The following MLIP variants were observed in gnomAD, a reference collection of about 807,000 sequenced individuals.
MLIP encodes muscular LMNA-interacting protein.
A neutral mutation model predicts 84.8 loss-of-function variants in MLIP; 79 were observed. That is an observed-to-expected ratio of 0.93 (90% CI 0.78 to 1.12). The LOEUF (loss-of-function observed/expected upper bound fraction) is 1.12. Among genes scored for constraint, MLIP ranks in the 50% most tolerant of loss-of-function variants. The pLI is 0.00. For synonymous variants in MLIP, 504 were observed against 463.0 expected (o/e 1.09, Z -1.14); for missense variants, 1,257 against 1,160.6 (o/e 1.08, Z -1.21).
At chr6:54,231,265 A>G (rs961129012) in intron 12 of MLIP, among the ~76,000 whole-genome samples, 9 of 152,186 alleles carry the variant, frequency 5.9e-5, no homozygotes, top group African/African-American at 2.2e-4. Context: ...CAGTGTTCCT[A>G]AAAAGCTTCT....
intron 12 of MLIP, 50 bp from the exon 13 acceptor site, chr6:54,257,258 T>C: frequency 7.5e-7 from 1 of 1,327,702 alleles, no homozygotes; most frequent in Non-Finnish European, 1.1e-6. Context: ...AACATTTATT[T>C]TTTTCTCACT....
chr6:54,064,000 G>C (rs1766130644), intron 1 of MLIP, among the ~76,000 whole-genome samples: 3 of 101,350 alleles, frequency 3.0e-5, no homozygotes, highest in East Asian at 2.6e-4. Context: ...TTCTTGTTTG[G>C]ATTTTTGTTG....
chr6:54,216,606 T>C, intron 11 of MLIP: 1 of 972,124 alleles, frequency 1.0e-6, no homozygotes, highest in Non-Finnish European at 1.2e-6. Context: ...TTATTAAAAA[T>C]CTTTTTTTAT....
intron 9 of MLIP, among the ~76,000 whole-genome samples, chr6:54,187,688 G>C (rs558465757): frequency 1.3e-5 from 2 of 151,968 alleles, no homozygotes; most frequent in East Asian, 3.9e-4. Context: ...AAATGGGAGA[G>C]GATTTCAGAA....
intron 1 of MLIP, chr6:54,063,401 T>G (rs774040028): frequency 5.3e-5 from 8 of 152,000 alleles, no homozygotes; most frequent in Non-Finnish European, 1.0e-4. Flanking sequence ...AATTAATTGC[T>G]GAAAAAATTC....
chr6:54,178,200 TTAAAA>T (rs1403226530), intron 9 of MLIP, among the ~76,000 whole-genome samples: 4 of 152,194 alleles, frequency 2.6e-5, no homozygotes, highest in Non-Finnish European at 5.9e-5. Context: ...ATCTTGAAAC[TTAAAA>T]TAAAATAAAA....
At chr6:54,160,890 A>C (rs1310058476) in intron 8 of MLIP, 91 bp downstream of exon 8, 5 of 1,055,390 alleles carry the variant, frequency 4.7e-6, no homozygotes, top group Non-Finnish European at 7.0e-6. Flanking sequence ...TAGTGAATTG[A>C]GAAATAAATT....
At chr6:54,222,076 T>C (rs531559689) in intron 11 of MLIP, among the ~76,000 whole-genome samples, 1 of 152,168 alleles carries the variant, frequency 6.6e-6, no homozygotes, top group East Asian at 1.9e-4. Flanking sequence ...GAGGTATAAT[T>C]GACAATTAAA....
chr6:54,167,776 G>T (rs1260192732), intron 8 of MLIP, among the ~76,000 whole-genome samples: 1 of 151,824 alleles, frequency 6.6e-6, no homozygotes, highest in Non-Finnish European at 1.5e-5. Flanking sequence ...AAGTTTCTGA[G>T]ATTATTTTTT....
intron 1 of MLIP, among the ~76,000 whole-genome samples, chr6:54,043,133 C>T (rs1764839653): frequency 6.6e-6 from 1 of 152,134 alleles, no homozygotes; most frequent in African/African-American, 2.4e-5. Flanking sequence ...TCTTTAGACC[C>T]AGTGCTGCTC....
intron 13 of MLIP, among the ~76,000 whole-genome samples, chr6:54,264,287 A>G (rs867504458): frequency 2.8e-4 from 43 of 152,088 alleles, no homozygotes; most frequent in South Asian, 2.1e-4. Flanking sequence ...TCTACATCAT[A>G]TATGCTCATA....
intron 9 of MLIP, among the ~76,000 whole-genome samples, chr6:54,172,171 A>G (rs1008827576): frequency 2.0e-5 from 3 of 151,682 alleles, no homozygotes; most frequent in Non-Finnish European, 3.0e-5. Context: ...CTTTAAAAGT[A>G]TAATGTATCT....
rs774720954 is a variant in MLIP, at chr6:54,160,582, C to T, written c.2422C>T (p.Gln808Ter). The T allele has an allele frequency of 4.3e-6, 7 of 1,611,018 alleles. No homozygotes were observed. Among genetic ancestry groups the T allele is most frequent in the Non-Finnish European group, 5.9e-6 (7 of 1,177,860 alleles). Residue 808 changes from glutamine to a stop codon, truncating the protein, a stop_gained, in exon 7 of 14, where the codon CAG becomes TAG. Coordinates refer to ENST00000502396, the MANE Select transcript of MLIP (RefSeq NM_001281747.2). LOFTEE classifies it high-confidence loss of function. ...CTGTGCTACCATTGATAAGGTCTTA[C>T]AGGATTCCTTGTCTATGGTAATGCT... ...ELCATIDKVLQDSLSMHSSDS... is the reference protein window; with the variant it reads ...ELCATIDKVL
Position 54,137,142 on chromosome 6 carries a change from C to T in MLIP, c.1073C>T (p.Ser358Leu), listed in dbSNP as rs948614223. 51 of 1,535,982 alleles carry T rather than the reference C, an allele frequency of 3.3e-5. No homozygotes were observed. The highest frequency in any genetic ancestry group is 4.2e-5 in the Non-Finnish European group (48 of 1,146,904). ...CCGTCCTCCAGTGCTTCTCTGAAGT[C>T]GAATTCGGCCTCGTACATACCAGTC... Reference protein sequence around the residue: ...SPPSSSASLKSNSASYIPVRI... With the variant: ...SPPSSSASLKLNSASYIPVRI... Residue 358 changes from serine (S) to leucine (L), a missense_variant, in exon 4 of 14, where the codon TCG becomes TTG. Transcript: ENST00000502396.
At chr6:54,037,559 C>T (rs1764515852) in intron 1 of MLIP, among the ~76,000 whole-genome samples, 1 of 151,880 alleles carries the variant, frequency 6.6e-6, no homozygotes, top group Non-Finnish European at 1.5e-5. Context: ...TGTTCTCCAT[C>T]ATGGTTTTCA....
At chr6:54,039,263 G>T (rs1457030160) in intron 1 of MLIP, among the ~76,000 whole-genome samples, 1 of 151,964 alleles carries the variant, frequency 6.6e-6, no homozygotes, top group Non-Finnish European at 1.5e-5. Context: ...ATGGAAATGT[G>T]TGATGACATT....
At chr6:54,034,243 C>T (rs1293148781) in intron 1 of MLIP, among the ~76,000 whole-genome samples, 1 of 152,134 alleles carries the variant, frequency 6.6e-6, no homozygotes, top group African/African-American at 2.4e-5. Context: ...AGTGTGTAAA[C>T]CTAGGATACA....
intron 1 of MLIP, chr6:54,099,590 G>A (rs188603438): frequency 3.0e-4 from 46 of 152,230 alleles, no homozygotes; most frequent in African/African-American, 1.0e-3. Context: ...CCTGCTCAGC[G>A]TCTCTAACCC....
intron 9 of MLIP, among the ~76,000 whole-genome samples, chr6:54,180,020 G>A (rs1413573318): frequency 6.6e-6 from 1 of 152,004 alleles, no homozygotes; most frequent in Admixed American, 6.6e-5. Flanking sequence ...TGTTTTCTGG[G>A]AAGGTCTTTA....
Sources: allele counts gnomAD v4.1 joint callset (sites outside exome capture counted in the v4.1 genomes callset), GRCh38; gene constraint gnomAD v4.1.1; transcripts MANE v1.5; gene names NCBI Gene and HGNC (gene_info 2026-07-23, HGNC 2026-07-21).